FNIP2: variants seen among roughly 807,000 people sequenced by gnomAD.
FNIP2 encodes the protein folliculin interacting protein 2, also known as folliculin-interacting protein 2.
FNIP2 carries 32 observed loss-of-function variants against 108.7 expected under a neutral mutation model. That is an observed-to-expected ratio of 0.29 (90% CI 0.22 to 0.40). The LOEUF (loss-of-function observed/expected upper bound fraction) is 0.40. FNIP2 is among the 10% of genes least tolerant of loss of function. The pLI is 1.00. For missense variants in FNIP2, 1,202 were observed against 1,381.6 expected (o/e 0.87, Z 2.06); for synonymous variants, 480 against 496.7 (o/e 0.97, Z 0.45).
At chr4:158,845,453 T>C (rs979466042) in intron 7 of FNIP2, among the ~76,000 whole-genome samples, 2 of 152,238 alleles carry the variant, frequency 1.3e-5, no homozygotes, top group Admixed American at 1.3e-4. Context: ...ACTATGTTGT[T>C]TAGGCTGGAC....
intron 14 of FNIP2, among the ~76,000 whole-genome samples, chr4:158,881,219 ACGGTCTCCCTCTCCCTCTCTTTC>A (rs1271011752): frequency 9.4e-5 from 14 of 149,290 alleles, no homozygotes; most frequent in South Asian, 2.1e-4. Flanking sequence ...CTCTCTTTCC[ACGGTCTCCCTCTCCCTCTCTTTC>A]CACGGTCTCC....
chr4:158,857,804 C>T (rs1468068127), intron 8 of FNIP2, among the ~76,000 whole-genome samples: 1 of 150,258 alleles, frequency 6.7e-6, no homozygotes, highest in Non-Finnish European at 1.5e-5. Flanking sequence ...AAAATGTATC[C>T]GGGCATGGTG....
chr4:158,890,006 C>T, intron 14 of FNIP2: 1 of 985,260 alleles, frequency 1.0e-6, no homozygotes, highest in Non-Finnish European at 1.2e-6. Context: ...GTCATGAAAA[C>T]CTTTGGTTGA....
At chr4:158,859,547 A>G (rs1203439167) in intron 9 of FNIP2, 31 bp from the exon 10 acceptor site, 4 of 1,571,000 alleles carry the variant, frequency 2.5e-6, no homozygotes, top group East Asian at 4.5e-5. Context: ...ATTTCTTCTC[A>G]GTAATTTGAC....
At chr4:158,812,739 CATCTTT>C (rs1468248363) in intron 1 of FNIP2, among the ~76,000 whole-genome samples, 1 of 151,938 alleles carries the variant, frequency 6.6e-6, no homozygotes, top group Admixed American at 6.6e-5. Context: ...TGTATTGACA[CATCTTT>C]ATCACCCAAA....
chr4:158,861,279 A>T, intron 10 of FNIP2, 63 bp from the exon 11 acceptor site: 1 of 1,526,058 alleles, frequency 6.6e-7, no homozygotes, highest in Non-Finnish European at 8.8e-7. Flanking sequence ...ATTCTTTTAC[A>T]CCAAGATTAT....
intron 14 of FNIP2, among the ~76,000 whole-genome samples, chr4:158,876,223 A>G (rs1281251880): frequency 6.6e-6 from 1 of 152,134 alleles, no homozygotes; most frequent in Non-Finnish European, 1.5e-5. Context: ...GATCTTCCCA[A>G]ATGGCATCCC....
At chr4:158,858,815 C>T (rs764606182) in intron 8 of FNIP2, among the ~76,000 whole-genome samples, 3 of 152,142 alleles carry the variant, frequency 2.0e-5, no homozygotes, top group Non-Finnish European at 4.4e-5. Context: ...AGAGTAACAA[C>T]GGGAAATTTA....
chr4:158,897,608 T>A (rs906100065), intron 16 of FNIP2, among the ~76,000 whole-genome samples: 11 of 152,242 alleles, frequency 7.2e-5, no homozygotes, highest in Admixed American at 1.3e-4. Flanking sequence ...ATGAGCTTTT[T>A]TTCATATGTT....
intron 14 of FNIP2, among the ~76,000 whole-genome samples, chr4:158,882,695 A>AC (rs2126749885): frequency 6.6e-6 from 1 of 152,250 alleles, no homozygotes; most frequent in Admixed American, 6.5e-5. Flanking sequence ...CTATGACCTT[A>AC]CCCCCAACCG....
At chr4:158,813,120 C>T (rs1014481217) in intron 1 of FNIP2, among the ~76,000 whole-genome samples, 2 of 152,168 alleles carry the variant, frequency 1.3e-5, no homozygotes, top group African/African-American at 4.8e-5. Flanking sequence ...TCTTTGCGTA[C>T]TGAAGGATGT....
intron 1 of FNIP2, among the ~76,000 whole-genome samples, chr4:158,816,295 A>G (rs1008697251): frequency 6.6e-6 from 1 of 152,162 alleles, no homozygotes; most frequent in Non-Finnish European, 1.5e-5. Context: ...ATATAAGGCA[A>G]TGTCTTGGGT....
intron 1 of FNIP2, among the ~76,000 whole-genome samples, chr4:158,804,002 G>A (rs1242634849): frequency 6.6e-6 from 1 of 152,130 alleles, no homozygotes; most frequent in Non-Finnish European, 1.5e-5. Context: ...GCAGTGGCAC[G>A]ATCTCAGCTC....
chr4:158,780,785 C>A (rs920299356), intron 1 of FNIP2, among the ~76,000 whole-genome samples: 1 of 152,172 alleles, frequency 6.6e-6, no homozygotes, highest in East Asian at 1.9e-4. Context: ...ATAATCCCAG[C>A]ACTCTGGGAG....
intron 12 of FNIP2, among the ~76,000 whole-genome samples, chr4:158,864,709 C>T (rs1780483315): frequency 6.6e-6 from 1 of 152,082 alleles, no homozygotes; most frequent in African/African-American, 2.4e-5. Flanking sequence ...CAACTTTTCA[C>T]TATTGTTCCC....
chr4:158,872,561 G>C (rs1270665740), intron 14 of FNIP2: 2 of 985,306 alleles, frequency 2.0e-6, no homozygotes, highest in Non-Finnish European at 2.4e-6. Context: ...CCATGCGTGG[G>C]TGTTAATAGG....
rs370800986 is a variant in FNIP2 at position 158,891,503 on chromosome 4, A to G, written c.3007A>G (p.Lys1003Glu). Reference sequence around the variant, plus strand: ...TGTCTGTATTATCGCAGACACGGATAAATGGAGTGTGCAGGTAGCTACAAG... The same window carrying G: ...TGTCTGTATTATCGCAGACACGGATGAATGGAGTGTGCAGGTAGCTACAAG... ...EAVCIIADTD[K>E]WSVQVATSQR... The change falls in exon 15 of 17, where the codon AAA (lysine) becomes GAA (glutamate). Residue 1003 changes from lysine (K) to glutamate (E), a missense_variant. By Grantham distance (56) the Lys-to-Glu change is moderately conservative (BLOSUM62 1). Coordinates refer to ENST00000264433, the MANE Select transcript of FNIP2 (RefSeq NM_020840.3). 7 of 1,609,728 alleles carry G rather than the reference A, an allele frequency of 4.3e-6. No homozygotes were observed. The highest frequency in any genetic ancestry group is 1.3e-5 in the African/African-American group (1 of 74,858).
At chr4:158,789,887 AG>A (rs1441005738) in intron 1 of FNIP2, among the ~76,000 whole-genome samples, 1 of 151,870 alleles carries the variant, frequency 6.6e-6, no homozygotes, top group Non-Finnish European at 1.5e-5. Context: ...AAAGGGGAGG[AG>A]GGGTTTGCTG....
intron 6 of FNIP2, chr4:158,833,839 G>T (rs1358549157): frequency 1.3e-6 from 2 of 1,499,598 alleles, no homozygotes; most frequent in East Asian, 2.6e-5. Context: ...GCTGCAGGGG[G>T]TAGCTGAAGG....
Sources: gnomAD v4.1 joint callset for allele counts (sites outside exome capture counted in the v4.1 genomes callset) on GRCh38, gnomAD v4.1.1 for gene constraint, MANE v1.5 for transcripts, NCBI Gene and HGNC (gene_info 2026-07-23, HGNC 2026-07-21) for gene names.